Variants in ACTR3C observed in about 807,000 individuals in gnomAD.
ACTR3C encodes the protein actin-related protein 3C.
Under a neutral mutation model 26.3 loss-of-function variants are expected in ACTR3C, and 18 were observed. That is an observed-to-expected ratio of 0.68 (90% CI 0.47 to 1.01). The LOEUF (loss-of-function observed/expected upper bound fraction) is 1.01, where lower values mean the gene tolerates loss of function less well. Among genes scored for constraint, ACTR3C ranks in the 50% least tolerant of loss-of-function variants. The pLI, the probability that ACTR3C is intolerant of heterozygous loss-of-function variation, is 0.00. For missense variants in ACTR3C, 184 were observed against 250.7 expected (o/e 0.73, Z 1.80); for synonymous variants, 55 against 94.5 (o/e 0.58, Z 2.42).
the ACTR3C span, among the ~76,000 whole-genome samples, chr7:149,907,478 T>TTCTCTTCTCTGTCTCTCTC: frequency 2.0e-5 from 2 of 97,606 alleles, no homozygotes; most frequent in Non-Finnish European, 4.2e-5. Flanking sequence ...CTCTCTTCTC[T>TTCTCTTCTCTGTCTCTCTC]TCTCTCTCTC....
the ACTR3C span, among the ~76,000 whole-genome samples, chr7:150,195,107 G>GTATATATATATATATGTATATATA: frequency 7.2e-6 from 1 of 138,506 alleles, no homozygotes; most frequent in Admixed American, 7.4e-5. Flanking sequence ...ATACATATAT[G>GTATATATATATATATGTATATATA]TATATATATA....
chr7:150,146,457 T>C, the ACTR3C span, among the ~76,000 whole-genome samples: 1 of 152,198 alleles, frequency 6.6e-6, no homozygotes, highest in Admixed American at 6.5e-5. Context: ...TGTATCATCT[T>C]TTCAAATTGA....
At chr7:150,027,258 T>C in the ACTR3C span, among the ~76,000 whole-genome samples, 1 of 152,116 alleles carries the variant, frequency 6.6e-6, no homozygotes, top group African/African-American at 2.4e-5. Context: ...GTGGGGATCA[T>C]TGCATATGAG....
At chr7:149,915,069 G>A in the ACTR3C span, among the ~76,000 whole-genome samples, 5 of 151,978 alleles carry the variant, frequency 3.3e-5, no homozygotes, top group Middle Eastern at 3.2e-3. Flanking sequence ...TAGTAAAAAC[G>A]GGGTTTCACC....
the ACTR3C span, among the ~76,000 whole-genome samples, chr7:150,095,354 G>C: frequency 3.3e-5 from 5 of 150,456 alleles, no homozygotes; most frequent in Non-Finnish European, 5.9e-5. Context: ...GCAAAGCCAG[G>C]CCAACCGGGG....
At chr7:149,898,638 G>A in the ACTR3C span, among the ~76,000 whole-genome samples, 24 of 151,034 alleles carry the variant, frequency 1.6e-4, no homozygotes, top group African/African-American at 5.6e-4. Context: ...AACCCAGGAG[G>A]TGGAGGTTGC....
At chr7:150,207,130 T>C in the ACTR3C span, among the ~76,000 whole-genome samples, 1 of 152,250 alleles carries the variant, frequency 6.6e-6, no homozygotes, top group African/African-American at 2.4e-5. Context: ...GAAAATGTTT[T>C]TTACACTGAC....
chr7:149,894,873 A>G, the ACTR3C span, among the ~76,000 whole-genome samples: 1 of 151,872 alleles, frequency 6.6e-6, no homozygotes, highest in Non-Finnish European at 1.5e-5. Flanking sequence ...CGATCCAACA[A>G]TCCCACTACT....
chr7:150,137,698 C>A, the ACTR3C span, among the ~76,000 whole-genome samples: 1 of 152,138 alleles, frequency 6.6e-6, no homozygotes. Flanking sequence ...TTAATTTAGT[C>A]TTCGTAGGAG....
chr7:149,978,815 C>T, the ACTR3C span, among the ~76,000 whole-genome samples: 2 of 152,128 alleles, frequency 1.3e-5, no homozygotes, highest in African/African-American at 4.8e-5. Flanking sequence ...TGTTTAGTCT[C>T]ATTGTCTTTG....
the ACTR3C span, among the ~76,000 whole-genome samples, chr7:150,182,724 T>A: frequency 6.6e-6 from 1 of 150,998 alleles, no homozygotes. Flanking sequence ...AGCCATTTGA[T>A]CACAATATGT....
At chr7:150,029,407 A>AAC in the ACTR3C span, among the ~76,000 whole-genome samples, 5 of 100,942 alleles carry the variant, frequency 5.0e-5, 1 homozygote, top group East Asian at 7.3e-4. Flanking sequence ...CAAAAACAAA[A>AAC]AAAAAAAAAA....
the ACTR3C span, among the ~76,000 whole-genome samples, chr7:150,226,827 G>C: frequency 2.0e-5 from 3 of 152,172 alleles, no homozygotes; most frequent in Admixed American, 1.3e-4. Flanking sequence ...ATCTGCTTTG[G>C]TGAGATGTCT....
chr7:149,947,476 G>GAC, the ACTR3C span, among the ~76,000 whole-genome samples: 2 of 100,374 alleles, frequency 2.0e-5, no homozygotes, highest in Admixed American at 1.0e-4. Context: ...TATGCTGGGG[G>GAC]ACCAGCTCCA....
At chr7:150,013,877 C>T in the ACTR3C span, among the ~76,000 whole-genome samples, 4 of 152,172 alleles carry the variant, frequency 2.6e-5, no homozygotes, top group African/African-American at 7.2e-5. Flanking sequence ...AGGATGGCAA[C>T]GCTATTCTCC....
At chr7:149,963,566 G>T in the ACTR3C span, among the ~76,000 whole-genome samples, 4 of 152,136 alleles carry the variant, frequency 2.6e-5, no homozygotes, top group African/African-American at 9.7e-5. Flanking sequence ...TCCTAACAAA[G>T]GATGAACAAA....
chr7:149,964,951 C>G, the ACTR3C span, among the ~76,000 whole-genome samples: 2 of 151,958 alleles, frequency 1.3e-5, no homozygotes, highest in Non-Finnish European at 2.9e-5. Flanking sequence ...GCAAAACTTG[C>G]CAAATTTGTC....
At chr7:150,321,121 C>T (rs1797465082) in intron 1 of ACTR3C, among the ~76,000 whole-genome samples, 1 of 152,168 alleles carries the variant, frequency 6.6e-6, no homozygotes, top group South Asian at 2.1e-4. Flanking sequence ...CTGATCACCT[C>T]GGCTTGTGTT....
chr7:150,075,855 TAGG>T, the ACTR3C span, among the ~76,000 whole-genome samples: 2 of 151,956 alleles, frequency 1.3e-5, no homozygotes, highest in Non-Finnish European at 2.9e-5. Context: ...GCGAGAAAAG[TAGG>T]AGGAGAAAGG....
Sources: allele counts gnomAD v4.1 joint callset (sites outside exome capture counted in the v4.1 genomes callset), GRCh38; gene constraint gnomAD v4.1.1; transcripts MANE v1.5; gene names NCBI Gene and HGNC (gene_info 2026-07-23, HGNC 2026-07-21).